IL19: variants seen among roughly 807,000 people sequenced by gnomAD.
The protein encoded by IL19 is interleukin-19.
A neutral mutation model predicts 19.5 loss-of-function variants in IL19; 15 were observed. The ratio of observed to expected loss-of-function variants is 0.77; its 90% CI spans 0.52 to 1.19. The LOEUF (loss-of-function observed/expected upper bound fraction) is 1.19, where lower values mean the gene tolerates loss of function less well. Among genes scored for constraint, IL19 ranks in the 50% most tolerant of loss-of-function variants. IL19 has a pLI of 0.00. For synonymous variants in IL19, 78 were observed against 78.3 expected, an observed-to-expected ratio of 1.00 and a Z score of 0.02; for missense variants, 199 against 213.1, an observed-to-expected ratio of 0.93 and a Z score of 0.41.
At chr1:206,821,896 C>T (rs991233706) in intron 2 of IL19, among the ~76,000 whole-genome samples, 2 of 152,170 alleles carry the variant, frequency 1.3e-5, no homozygotes, top group African/African-American at 2.4e-5. Context: ...TTGGTCTGCA[C>T]CTTAATTTGG....
At chr1:206,819,771 G>A (rs1053548744) in intron 2 of IL19, among the ~76,000 whole-genome samples, 1 of 152,194 alleles carries the variant, frequency 6.6e-6, no homozygotes, top group Non-Finnish European at 1.5e-5. Context: ...AAGCAACTTA[G>A]ATCTTTCACT....
At chr1:206,781,414 CAAAAAA>C (rs57060549) in intron 1 of IL19, among the ~76,000 whole-genome samples, 696 of 42,942 alleles carry the variant, frequency 0.016, 2 homozygotes, top group South Asian at 0.032. Flanking sequence ...GACTCTGTCT[CAAAAAA>C]AAAAAAAAAA....
intron 2 of IL19, among the ~76,000 whole-genome samples, chr1:206,813,190 G>A (rs935279915): frequency 1.1e-4 from 17 of 152,234 alleles, no homozygotes; most frequent in South Asian, 4.2e-4. Context: ...CCTAGAGACC[G>A]GACCCTAAAA....
chr1:206,794,410 C>T (rs763378713), intron 1 of IL19, among the ~76,000 whole-genome samples: 1 of 152,108 alleles, frequency 6.6e-6, no homozygotes, highest in Non-Finnish European at 1.5e-5. Flanking sequence ...TCCTGCCCTG[C>T]CTCCCACACA....
chr1:206,840,686 A>G (rs1676983278), intron 5 of IL19: 1 of 270,242 alleles, frequency 3.7e-6, no homozygotes, highest in South Asian at 7.8e-5. Context: ...TTAATAATTA[A>G]CATTTAACAA....
At chr1:206,832,219 C>T (rs1360715407) in intron 2 of IL19, among the ~76,000 whole-genome samples, 1 of 152,248 alleles carries the variant, frequency 6.6e-6, no homozygotes, top group Admixed American at 6.5e-5. Context: ...TCTCCTTTTC[C>T]AGGTGCCTGG....
intron 2 of IL19, among the ~76,000 whole-genome samples, chr1:206,828,443 T>C (rs569233942): frequency 1.3e-5 from 2 of 152,154 alleles, no homozygotes; most frequent in African/African-American, 4.8e-5. Context: ...TCTAATGGAG[T>C]AGTTTCCAAT....
Position 206,792,266 on chromosome 1 carries a change from C to T in IL19, c.-148-6595C>T, listed in dbSNP as rs1299461297. On this transcript the variant is annotated intron_variant, in intron 1 of 6. Coordinates refer to ENST00000659997, the MANE Select transcript of IL19 (RefSeq NM_153758.5). ...CCTGAGTCAGGGGCAGACCTAAATT[C>T]CTTAACCATCTTTTTCTTCCCTTTC... Among the ~76,000 whole-genome samples, 3 of 152,168 alleles carry T rather than the reference C, an allele frequency of 2.0e-5. No individual in the cohort carries two copies. The East Asian group carries it at 5.8e-4, about 29-fold the overall frequency.
intron 2 of IL19, among the ~76,000 whole-genome samples, chr1:206,812,472 C>A (rs780969258): frequency 2.0e-5 from 3 of 152,256 alleles, no homozygotes; most frequent in South Asian, 4.1e-4. Flanking sequence ...ATGACTGGGG[C>A]GACTGATTAC....
At chr1:206,838,191 T>C (rs1338823870) in intron 4 of IL19, among the ~76,000 whole-genome samples, 1 of 151,802 alleles carries the variant, frequency 6.6e-6, no homozygotes, top group African/African-American at 2.4e-5. Flanking sequence ...AGACAGGAGG[T>C]GATGAAAGTA....
intron 1 of IL19, among the ~76,000 whole-genome samples, chr1:206,781,414 C>CAAAAAAAAAA (rs57060549): frequency 0.028 from 1,170 of 41,128 alleles, no homozygotes; most frequent in East Asian, 0.037. Flanking sequence ...GACTCTGTCT[C>CAAAAAAAAAA]AAAAAAAAAA....
At chr1:206,823,280 G>A (rs1312786977) in intron 2 of IL19, among the ~76,000 whole-genome samples, 1 of 152,072 alleles carries the variant, frequency 6.6e-6, no homozygotes, top group Non-Finnish European at 1.5e-5. Flanking sequence ...ATGGCTGGGT[G>A]TGGTGGCTCA....
At chr1:206,808,727 C>T (rs1675923500) in intron 2 of IL19, among the ~76,000 whole-genome samples, 1 of 152,138 alleles carries the variant, frequency 6.6e-6, no homozygotes, top group Non-Finnish European at 1.5e-5. Context: ...CTTAGAGGGG[C>T]TTGTTGCTAT....
intron 1 of IL19, chr1:206,771,435 A>C: frequency 1.3e-6 from 2 of 1,589,842 alleles, no homozygotes; most frequent in Non-Finnish European, 1.7e-6. Flanking sequence ...GAACAAAAGG[A>C]GAATGAACTT....
intron 1 of IL19, among the ~76,000 whole-genome samples, chr1:206,772,843 G>A (rs1223297322): frequency 2.0e-5 from 3 of 152,168 alleles, no homozygotes; most frequent in African/African-American, 4.8e-5. Context: ...TCACAGTGAC[G>A]TGGACAAATT....
intron 2 of IL19, chr1:206,829,011 CTTTTTTTTT>C (rs5780365): frequency 2.5e-5 from 3 of 117,702 alleles, no homozygotes; most frequent in Admixed American, 9.2e-5. Flanking sequence ...ACACATGCAG[CTTTTTTTTT>C]TTTTTTTTTT....
chr1:206,816,430 A>G (rs929735602), intron 2 of IL19, among the ~76,000 whole-genome samples: 2 of 152,218 alleles, frequency 1.3e-5, no homozygotes, highest in Non-Finnish European at 2.9e-5. Flanking sequence ...TATACCTTAC[A>G]TGAAATATAT....
chr1:206,823,344 G>A (rs1402136337), intron 2 of IL19, among the ~76,000 whole-genome samples: 1 of 151,818 alleles, frequency 6.6e-6, no homozygotes, highest in East Asian at 2.0e-4. Flanking sequence ...ACGAGGTCAG[G>A]AGATTGAGAC....
rs376002450 is a variant in IL19, at chr1:206,770,975, C to T, written c.-252C>T. 8 of 1,614,174 alleles carry T rather than the reference C, an allele frequency of 5.0e-6. No homozygotes were observed. The highest frequency in any genetic ancestry group is 6.8e-6 in the Non-Finnish European group (8 of 1,180,022). On this transcript the variant is annotated 5_prime_UTR_variant, in exon 1 of 7. Coordinates refer to ENST00000659997, the MANE Select transcript of IL19 (RefSeq NM_153758.5). ...AGGGAGTTCACATGCGCCTTGATGT[C>T]TGGGTCTTGGTTCTCAGCTTGGGGC...
Sources: allele counts gnomAD v4.1 joint callset (sites outside exome capture counted in the v4.1 genomes callset), GRCh38; gene constraint gnomAD v4.1.1; transcripts MANE v1.5; gene names NCBI Gene and HGNC (gene_info 2026-07-23, HGNC 2026-07-21).